HOXB3: variants seen among roughly 807,000 people sequenced by gnomAD.
HOXB3 encodes homeobox protein Hox-B3.
HOXB3 carries 17 observed loss-of-function variants against 29.2 expected under a neutral mutation model. The ratio of observed to expected loss-of-function variants is 0.58; its 90% CI spans 0.40 to 0.87. The LOEUF is 0.87. Among genes scored for constraint, HOXB3 ranks in the 40% least tolerant of loss-of-function variants. The pLI is 0.00. For missense variants in HOXB3, 637 were observed against 616.3 expected, an observed-to-expected ratio of 1.03 and a Z score of -0.35; for synonymous variants, 317 against 285.9, an observed-to-expected ratio of 1.11 and a Z score of -1.10.
chr17:48,552,171 T>C lies in HOXB3; in HGVS notation c.304A>G (p.Asn102Asp). The C allele has an allele frequency of 1.2e-6, 2 of 1,613,990 alleles. No individual in the cohort carries two copies. Among genetic ancestry groups the C allele is most frequent in the Non-Finnish European group, 1.7e-6 (2 of 1,179,924 alleles). ...PSAAPTSATS[N>D]SSNGGGPSKS... Reference sequence around the variant, plus strand: ...CTGGGCCCGCCCCCATTACTGCTGTTGCTAGTGGCACTGGTAGGTGCGGCA... The same window carrying C: ...CTGGGCCCGCCCCCATTACTGCTGTCGCTAGTGGCACTGGTAGGTGCGGCA... Residue 102 changes from asparagine (N) to aspartate (D), a missense_variant, in exon 4 of 5, where the codon AAC becomes GAC. Coordinates refer to ENST00000498678, the MANE Select transcript of HOXB3 (RefSeq NM_001384749.1).
chr17:48,571,196 G>A (rs1321273268), intron 2 of HOXB3, among the ~76,000 whole-genome samples: 1 of 152,252 alleles, frequency 6.6e-6, no homozygotes, highest in African/African-American at 2.4e-5. Flanking sequence ...TGAGAAAGGC[G>A]AGATTGATTT....
At chr17:48,563,226 G>A (rs1441397829) in intron 2 of HOXB3, among the ~76,000 whole-genome samples, 1 of 152,242 alleles carries the variant, frequency 6.6e-6, no homozygotes, top group Admixed American at 6.5e-5. Context: ...CAGGAGGCCA[G>A]GCCAAGTGGG....
rs557453031 is a variant in HOXB3 at position 48,589,409 on chromosome 17, G to A, written c.-425+716C>T. Among the ~76,000 whole-genome samples the A allele has an allele frequency of 9.9e-5, 15 of 152,252 alleles. 1 individual carries two copies. Among genetic ancestry groups the A allele is most frequent in the African/African-American group, 3.4e-4 (14 of 41,560 alleles). On this transcript the variant is annotated intron_variant, in intron 1 of 4. Coordinates refer to ENST00000498678, the MANE Select transcript of HOXB3 (RefSeq NM_001384749.1). ...GGTTCAGGAATTAGGTTTTGAATTG[G>A]GGGAATTGCCCTCTCTGTCTGCTCC...
chr17:48,561,886 G>A (rs1181237322), intron 2 of HOXB3, among the ~76,000 whole-genome samples: 1 of 152,186 alleles, frequency 6.6e-6, no homozygotes, highest in African/African-American at 2.4e-5. Context: ...GATCTCTAAG[G>A]TCTCTTTTTG....
intron 1 of HOXB3, chr17:48,580,316 C>CTTT (rs749178051): frequency 0.028 from 2,806 of 101,124 alleles, 89 homozygotes; most frequent in Non-Finnish European, 0.035. Flanking sequence ...CCCCCCAGGA[C>CTTT]TTTTTTTTTT....
At chr17:48,570,377 G>C (rs902327465) in intron 2 of HOXB3, among the ~76,000 whole-genome samples, 1 of 152,018 alleles carries the variant, frequency 6.6e-6, no homozygotes, top group Admixed American at 6.5e-5. Flanking sequence ...GGCATGGGAT[G>C]GGGGGTGGGG....
intron 1 of HOXB3, chr17:48,578,065 T>TGGCGGGGGC (rs1268987221): frequency 1.2e-5 from 2 of 161,474 alleles, no homozygotes; most frequent in South Asian, 2.8e-4. Context: ...GACCGGGCGG[T>TGGCGGGGGC]GGCGGGGGCG....
Position 48,552,515 on chromosome 17 carries a change from G to T in HOXB3, c.-41C>A, listed in dbSNP as rs1319519675. On this transcript the variant is annotated 5_prime_UTR_variant, in exon 4 of 5. Coordinates refer to ENST00000498678, the MANE Select transcript of HOXB3 (RefSeq NM_001384749.1). ...GGGCAGTGGGTGGCAACTTGGAAAG[G>T]CCTGATACCCTCAGGACCGGACATT... is the stretch of plus-strand genomic sequence containing the variant. The T allele has an allele frequency of 6.7e-7, 1 of 1,496,624 alleles. No homozygotes were observed. The highest frequency in any genetic ancestry group is 2.0e-5 in the Admixed American group (1 of 49,880). 92.7% of individuals were successfully genotyped at this position (1,496,624 alleles called of 1,614,324 possible).
At chr17:48,557,232 C>G (rs905105530) in intron 2 of HOXB3, 12 of 152,312 alleles carry the variant, frequency 7.9e-5, no homozygotes, top group African/African-American at 2.4e-4. Context: ...CTAAAGGCAG[C>G]TTGGAAAACT....
intron 2 of HOXB3, among the ~76,000 whole-genome samples, chr17:48,566,978 C>G (rs1384815287): frequency 2.6e-5 from 4 of 152,228 alleles, no homozygotes; most frequent in African/African-American, 9.6e-5. Flanking sequence ...TCTTTGCTGC[C>G]TCTGCCAGCC....
chr17:48,565,798 G>T (rs2069369927), intron 2 of HOXB3, among the ~76,000 whole-genome samples: 1 of 152,102 alleles, frequency 6.6e-6, no homozygotes, highest in South Asian at 2.1e-4. Context: ...GAATTGTGGG[G>T]CTCCTTCCTC....
chr17:48,552,162 T>C lies in HOXB3; in HGVS notation c.313A>G (p.Asn105Asp). 1 of 1,614,016 alleles carries C rather than the reference T, an allele frequency of 6.2e-7. No homozygotes were observed. Among genetic ancestry groups the C allele is most frequent in the Non-Finnish European group, 8.5e-7 (1 of 1,179,956 alleles). The change falls in exon 4 of 5, where the codon AAT becomes GAT. Residue 105 changes from asparagine (N) to aspartate (D), a missense_variant. Transcript: ENST00000498678. Reference protein sequence around the residue: ...APTSATSNSSNGGGPSKSGPP... With the variant: ...APTSATSNSSDGGGPSKSGPP... ...CCACTTTTGCTGGGCCCGCCCCCAT[T>C]ACTGCTGTTGCTAGTGGCACTGGTA... is the stretch of plus-strand genomic sequence containing the variant.
Position 48,574,006 on chromosome 17 carries a change from G to T in HOXB3, c.-416C>A. On this transcript the variant is annotated 5_prime_UTR_variant, in exon 2 of 5. Coordinates refer to ENST00000498678, the MANE Select transcript of HOXB3 (RefSeq NM_001384749.1). ...TTTTTTCCCCCAACAGCCGGTCCAAGGAGATTTGCTGTTGAATAATAACAA... is the reference window on the plus strand; with the variant it reads ...TTTTTTCCCCCAACAGCCGGTCCAATGAGATTTGCTGTTGAATAATAACAA... 1 of 643,576 alleles carries T rather than the reference G, an allele frequency of 1.6e-6. No homozygotes were observed. Among genetic ancestry groups the T allele is most frequent in the Non-Finnish European group, 2.8e-6 (1 of 359,784 alleles). 39.9% of individuals were successfully genotyped at this position (643,576 alleles called of 1,614,324 possible).
intron 2 of HOXB3, among the ~76,000 whole-genome samples, chr17:48,558,222 G>A (rs751321106): frequency 5.3e-5 from 8 of 152,108 alleles, no homozygotes; most frequent in Non-Finnish European, 1.0e-4. Context: ...AGGCAGCCTC[G>A]GGCCGGCTGC....
chr17:48,566,891 G>A (rs1185031862), intron 2 of HOXB3, among the ~76,000 whole-genome samples: 1 of 152,180 alleles, frequency 6.6e-6, no homozygotes, highest in Non-Finnish European at 1.5e-5. Flanking sequence ...CACACTGAAT[G>A]TGTGTGGGAT....
intron 1 of HOXB3, chr17:48,576,762 C>T: frequency 6.2e-7 from 1 of 1,613,704 alleles, no homozygotes. Flanking sequence ...GCCAGGGGGC[C>T]CTCCGGCTGA....
At chr17:48,561,185 C>CACACACACACACACAG (rs1321454133) in intron 2 of HOXB3, among the ~76,000 whole-genome samples, 2 of 89,596 alleles carry the variant, frequency 2.2e-5, no homozygotes, top group East Asian at 5.6e-4. Context: ...CGTCTCAAAA[C>CACACACACACACACAG]ACACACACAC....
chr17:48,555,689 C>G, intron 2 of HOXB3, 71 bp from the exon 3 acceptor site: 1 of 644,344 alleles, frequency 1.6e-6, no homozygotes, highest in Non-Finnish European at 2.9e-6. Flanking sequence ...CCCCGCCCCG[C>G]AAAGCCACCC....
At position 48,552,576 on chromosome 17, in the gene HOXB3, C is replaced by CA. The variant is rs2068802671; in HGVS notation, c.-103_-102insT. 1 of 799,076 alleles carries CA rather than the reference C, an allele frequency of 1.3e-6. No individual in the cohort carries two copies. The highest frequency in any genetic ancestry group is 3.3e-5 in the Admixed American group (1 of 30,586). 49.5% of individuals were successfully genotyped at this position (799,076 alleles called of 1,614,324 possible). ...GGGGTCACGTGACACGCCGGACCCCCCCCCCCCACCTCCCCTCTCTGCCCC... is the reference window on the plus strand; with the variant it reads ...GGGGTCACGTGACACGCCGGACCCCCACCCCCCCACCTCCCCTCTCTGCCCC... On this transcript the variant is annotated 5_prime_UTR_variant, in exon 4 of 5. The change creates a premature stop within an existing upstream ORF in the 5' untranslated region. Coordinates refer to ENST00000498678, the MANE Select transcript of HOXB3 (RefSeq NM_001384749.1).
Sources: gnomAD v4.1 joint callset for allele counts (sites outside exome capture counted in the v4.1 genomes callset) on GRCh38, gnomAD v4.1.1 for gene constraint, MANE v1.5 for transcripts, NCBI Gene and HGNC (gene_info 2026-07-23, HGNC 2026-07-21) for gene names.